Variants in SIPA1L3 observed in about 807,000 individuals in gnomAD.
The protein encoded by SIPA1L3 is signal induced proliferation associated 1 like 3.
A neutral mutation model predicts 150.1 loss-of-function variants in SIPA1L3; 59 were observed. That is an observed-to-expected ratio of 0.39 (90% confidence interval 0.32 to 0.49). The LOEUF is 0.49. Ranked by LOEUF, SIPA1L3 falls within the 20% of genes least tolerant of loss-of-function variation. The probability of loss-of-function intolerance (pLI) is 0.86; values close to 1 mark genes in which losing one functional copy is unlikely to be tolerated. For synonymous variants in SIPA1L3, 1,070 were observed against 1,077.6 expected (o/e 0.99, Z 0.14); for missense variants, 2,211 against 2,489.5 (o/e 0.89, Z 2.38).
chr19:37,987,143 G>A (rs1034086448), intron 1 of SIPA1L3, among the ~76,000 whole-genome samples: 12 of 151,992 alleles, frequency 7.9e-5, no homozygotes, highest in Non-Finnish European at 1.2e-4. Flanking sequence ...GGCCAGGCTG[G>A]TCTCAAACTC....
intron 1 of SIPA1L3, among the ~76,000 whole-genome samples, chr19:37,953,343 G>C (rs936388726): frequency 2.0e-5 from 3 of 152,140 alleles, no homozygotes; most frequent in African/African-American, 7.2e-5. Context: ...GGTCAGATCT[G>C]TGCACTTTAT....
intron 13 of SIPA1L3, among the ~76,000 whole-genome samples, chr19:38,155,846 C>T (rs1460834679): frequency 6.6e-6 from 1 of 152,014 alleles, no homozygotes; most frequent in Non-Finnish European, 1.5e-5. Flanking sequence ...TTTGGGAGGC[C>T]GAGGCAGGCC....
intron 4 of SIPA1L3, among the ~76,000 whole-genome samples, chr19:38,097,208 G>C (rs1378091866): frequency 1.3e-5 from 2 of 152,078 alleles, no homozygotes; most frequent in Non-Finnish European, 2.9e-5. Flanking sequence ...AAATTAGCCA[G>C]GCATGGTGGC....
chr19:37,928,282 C>T lies in SIPA1L3; in HGVS notation c.-379+20924C>T, dbSNP rs145794674. ...GTGCTACTGCAGTGGTTTTCAAACCCGAGCAAGACCAGGTGTGGTGGCTCA... is the reference window on the plus strand; with the variant it reads ...GTGCTACTGCAGTGGTTTTCAAACCTGAGCAAGACCAGGTGTGGTGGCTCA... On this transcript the variant is annotated intron_variant, in intron 1 of 21. Coordinates refer to ENST00000222345, the MANE Select transcript of SIPA1L3 (RefSeq NM_015073.3). 4.9e-3 allele frequency among the ~76,000 whole-genome samples: 743 copies of T among 152,140 alleles called. 8 individuals carry two copies. The highest frequency in any genetic ancestry group is 0.016 in the African/African-American group (651 of 41,494).
At chr19:38,106,697 A>G (rs1970631657) in intron 7 of SIPA1L3, 57 bp downstream of exon 7, 3 of 1,175,734 alleles carry the variant, frequency 2.6e-6, no homozygotes, top group Non-Finnish European at 3.8e-6. Context: ...ACCCACCAGC[A>G]TTGGCCCTCC....
chr19:37,979,511 C>T (rs1384956721), intron 1 of SIPA1L3, among the ~76,000 whole-genome samples: 2 of 150,830 alleles, frequency 1.3e-5, no homozygotes, highest in Non-Finnish European at 2.9e-5. Context: ...GAGCCGAGAT[C>T]GTGCCACTGC....
chr19:38,077,602 A>T (rs1356396643), intron 2 of SIPA1L3, among the ~76,000 whole-genome samples: 1 of 144,934 alleles, frequency 6.9e-6, no homozygotes, highest in African/African-American at 2.6e-5. Context: ...TCTTCCGATC[A>T]TCTCTGCATG....
At chr19:37,959,067 C>A (rs1397359861) in intron 1 of SIPA1L3, among the ~76,000 whole-genome samples, 1 of 152,196 alleles carries the variant, frequency 6.6e-6, no homozygotes, top group Non-Finnish European at 1.5e-5. Flanking sequence ...AACCCTCATA[C>A]ATGGCTGGTG....
At chr19:37,976,393 C>T (rs770804079) in intron 1 of SIPA1L3, among the ~76,000 whole-genome samples, 1 of 152,148 alleles carries the variant, frequency 6.6e-6, no homozygotes, top group Non-Finnish European at 1.5e-5. Flanking sequence ...GATGCCCCCG[C>T]ACTGCAGCAC....
intron 20 of SIPA1L3, among the ~76,000 whole-genome samples, chr19:38,203,078 G>A (rs1031175681): frequency 2.0e-5 from 3 of 152,154 alleles, no homozygotes; most frequent in Non-Finnish European, 2.9e-5. Context: ...TGTACTTCAT[G>A]GGCAGTGGGA....
chr19:38,009,960 A>G (rs1968057952), intron 1 of SIPA1L3, among the ~76,000 whole-genome samples: 1 of 152,162 alleles, frequency 6.6e-6, no homozygotes, highest in South Asian at 2.1e-4. Flanking sequence ...TGTTTGCCAC[A>G]CAAGAGATCA....
intron 1 of SIPA1L3, among the ~76,000 whole-genome samples, chr19:37,991,785 G>C (rs1370589954): frequency 6.6e-6 from 1 of 152,162 alleles, no homozygotes; most frequent in Non-Finnish European, 1.5e-5. Flanking sequence ...ATTTCTCTTG[G>C]GGGCTTGCTA....
intron 1 of SIPA1L3, among the ~76,000 whole-genome samples, chr19:37,924,810 A>T (rs1395475609): frequency 6.6e-6 from 1 of 151,986 alleles, no homozygotes; most frequent in Non-Finnish European, 1.5e-5. Context: ...GCACTTTCGG[A>T]GCCTGAAGTG....
intron 1 of SIPA1L3, among the ~76,000 whole-genome samples, chr19:37,994,974 G>A (rs565119508): frequency 3.3e-5 from 5 of 152,292 alleles, no homozygotes; most frequent in Admixed American, 6.5e-5. Context: ...CGTTTCGTTC[G>A]TGCTGGTGGG....
chr19:37,924,485 C>A (rs1038127262), intron 1 of SIPA1L3, among the ~76,000 whole-genome samples: 1 of 150,390 alleles, frequency 6.6e-6, no homozygotes, highest in Admixed American at 6.7e-5. Flanking sequence ...TATATACAGA[C>A]TGGCCAACAT....
At chr19:37,925,395 A>G (rs534623579) in intron 1 of SIPA1L3, among the ~76,000 whole-genome samples, 79 of 152,178 alleles carry the variant, frequency 5.2e-4, no homozygotes, top group African/African-American at 1.8e-3. Flanking sequence ...AGGGAGTGGG[A>G]ACAGCCAGTG....
At chr19:38,193,021 G>A (rs1972838163) in intron 17 of SIPA1L3, among the ~76,000 whole-genome samples, 1 of 152,186 alleles carries the variant, frequency 6.6e-6, no homozygotes, top group East Asian at 1.9e-4. Context: ...GGAGTCCCTG[G>A]GGGAAAACTG....
In SIPA1L3 at chr19:37,977,311, C is replaced by T. The variant is rs919351144; in HGVS notation, c.-378-51778C>T. On this transcript the variant is annotated intron_variant, in intron 1 of 21. Coordinates refer to ENST00000222345, the MANE Select transcript of SIPA1L3 (RefSeq NM_015073.3). ...TCCCAAGTAGCTGGGACTACAGGCA[C>T]GCACCACCATGCCCGGCTAATTTTT... Among the ~76,000 whole-genome samples the T allele has an allele frequency of 5.3e-5, 8 of 151,626 alleles. No individual in the cohort carries two copies. In the East Asian group the frequency reaches 7.8e-4, roughly 15 times the overall value.
At chr19:38,111,967 ATGCACACACATGCACACAGGCACACACC>A (rs1160335931) in intron 8 of SIPA1L3, among the ~76,000 whole-genome samples, 4 of 94,226 alleles carry the variant, frequency 4.2e-5, no homozygotes, top group South Asian at 3.5e-4. Context: ...ACACACGTAC[ATGCACACACATGCACACAGGCACACACC>A]TGCACACAGG....
Sources: allele counts gnomAD v4.1 joint callset (sites outside exome capture counted in the v4.1 genomes callset), GRCh38; gene constraint gnomAD v4.1.1; transcripts MANE v1.5; gene names NCBI Gene and HGNC (gene_info 2026-07-23, HGNC 2026-07-21).